The following GRIK4 variants were observed in gnomAD, a reference collection of about 807,000 sequenced individuals.
GRIK4 encodes the protein glutamate ionotropic receptor kainate type subunit 4.
GRIK4 carries 40 observed loss-of-function variants against 104.9 expected under a neutral mutation model. That is an observed-to-expected ratio of 0.38 (90% CI 0.30 to 0.50). GRIK4 has a LOEUF of 0.50. Among genes scored for constraint, GRIK4 ranks in the 20% least tolerant of loss-of-function variants. The probability of loss-of-function intolerance (pLI) is 0.93; values close to 1 mark genes in which losing one functional copy is unlikely to be tolerated. For synonymous variants in GRIK4, 485 were observed against 524.9 expected (o/e 0.92, Z 1.04); for missense variants, 1,047 against 1,308.1 (o/e 0.80, Z 3.08).
chr11:120,671,510 G>A (rs1404533408), intron 3 of GRIK4, among the ~76,000 whole-genome samples: 1 of 152,102 alleles, frequency 6.6e-6, no homozygotes, highest in African/African-American at 2.4e-5. Flanking sequence ...ATGTTTGTTG[G>A]CCGCGTAAAT....
intron 1 of GRIK4, among the ~76,000 whole-genome samples, chr11:120,567,915 C>T (rs1198987671): frequency 6.6e-6 from 1 of 152,220 alleles, no homozygotes; most frequent in Non-Finnish European, 1.5e-5. Flanking sequence ...CATGGTGGCT[C>T]ATGCCTATAA....
rs1478968754 is a variant in GRIK4 at position 120,601,358 on chromosome 11, A to T, written c.-158-52327A>T. 2.6e-5 allele frequency among the ~76,000 whole-genome samples: 4 copies of T among 152,124 alleles called. No individual in the cohort carries two copies. In the East Asian group the frequency reaches 7.7e-4, roughly 29 times the overall value. On this transcript the variant is annotated intron_variant, in intron 1 of 20. Coordinates refer to ENST00000527524, the MANE Select transcript of GRIK4 (RefSeq NM_014619.5). The stretch of plus-strand genomic sequence containing the variant: ...GAGGTGGCGGTTGCAGTGAGCCGAG[A>T]TTGCGCCACTGCACTCCAGCCTGGG...
chr11:120,776,275 C>G (rs1287551988), intron 3 of GRIK4, among the ~76,000 whole-genome samples: 1 of 152,186 alleles, frequency 6.6e-6, no homozygotes. Context: ...GACCAGAGTG[C>G]CAGGTGGGGA....
chr11:120,515,719 T>G (rs904211605), intron 1 of GRIK4, among the ~76,000 whole-genome samples: 35 of 152,352 alleles, frequency 2.3e-4, no homozygotes, highest in African/African-American at 7.5e-4. Context: ...AGTAAGGACA[T>G]AAGATATAGT....
At chr11:120,575,838 C>T (rs1948476441) in intron 1 of GRIK4, 1 of 152,144 alleles carries the variant, frequency 6.6e-6, no homozygotes, top group Non-Finnish European at 1.5e-5. Context: ...TAGCATGTGC[C>T]TGTAATCCCA....
chr11:120,930,220 C>A (rs756879770), intron 13 of GRIK4, among the ~76,000 whole-genome samples: 4 of 152,176 alleles, frequency 2.6e-5, no homozygotes, highest in Admixed American at 6.5e-5. Context: ...TGGGTCTCAG[C>A]GTCTTTGTCT....
chr11:120,630,877 T>A (rs1365393929), intron 1 of GRIK4, among the ~76,000 whole-genome samples: 1 of 152,224 alleles, frequency 6.6e-6, no homozygotes, highest in African/African-American at 2.4e-5. Flanking sequence ...TTGCTGGATC[T>A]ATTTTTTCTT....
chr11:120,862,975 A>G (rs890321964), intron 9 of GRIK4, among the ~76,000 whole-genome samples: 4 of 152,132 alleles, frequency 2.6e-5, no homozygotes, highest in African/African-American at 9.7e-5. Context: ...AGATGATAAA[A>G]CCGAAGCCCA....
chr11:120,517,085 T>G (rs1378536513), intron 1 of GRIK4, among the ~76,000 whole-genome samples: 1 of 148,788 alleles, frequency 6.7e-6, no homozygotes, highest in Non-Finnish European at 1.5e-5. Flanking sequence ...GTGTCTGATA[T>G]TCACTGCCCT....
At position 120,929,000 on chromosome 11, in the gene GRIK4, CGCGTGT is replaced by C. The variant is rs1565445128; in HGVS notation, c.1477-11346_1477-11341del. Among the ~76,000 whole-genome samples the C allele has an allele frequency of 1.3e-3, 191 of 143,920 alleles. 1 individual carries two copies. Among genetic ancestry groups the C allele is most frequent in the African/African-American group, 4.7e-3 (181 of 38,346 alleles). The allele number at this position is 143,920 out of a possible 152,430, so 94.4% of individuals were successfully genotyped here. A position where few individuals can be genotyped will look rare whatever the true frequency, so the allele number is the denominator to read the frequency against. On this transcript the variant is annotated intron_variant, in intron 13 of 20. Coordinates refer to ENST00000527524, the MANE Select transcript of GRIK4 (RefSeq NM_014619.5). ...GTGTGTGTGTGTGTGCGCGCGTGCA[CGCGTGT>C]ATGTGTGTGTGCGCACATGTGTGTG...
intron 1 of GRIK4, among the ~76,000 whole-genome samples, chr11:120,530,062 C>T (rs1947907098): frequency 6.6e-6 from 1 of 152,188 alleles, no homozygotes. Flanking sequence ...CCTATGAGGC[C>T]CCATGTTCTT....
chr11:120,935,589 T>G (rs1372275485), intron 13 of GRIK4, among the ~76,000 whole-genome samples: 1 of 152,218 alleles, frequency 6.6e-6, no homozygotes, highest in East Asian at 1.9e-4. Context: ...ATATTGTATT[T>G]ACTTTGAAGC....
intron 3 of GRIK4, among the ~76,000 whole-genome samples, chr11:120,712,613 C>T (rs1418447760): frequency 6.8e-6 from 1 of 147,752 alleles, no homozygotes; most frequent in East Asian, 2.0e-4. Context: ...CATAGTAAGA[C>T]CCTGTCTCTT....
chr11:120,797,522 G>T (rs1160608385), intron 3 of GRIK4, among the ~76,000 whole-genome samples: 1 of 152,204 alleles, frequency 6.6e-6, no homozygotes, highest in Admixed American at 6.5e-5. Flanking sequence ...TCCCAAGAGT[G>T]CCTGAGCCTC....
At chr11:120,700,833 C>G (rs1199785569) in intron 3 of GRIK4, among the ~76,000 whole-genome samples, 1 of 152,118 alleles carries the variant, frequency 6.6e-6, no homozygotes, top group East Asian at 1.9e-4. Context: ...CTCAGGGGAT[C>G]CGTCCGCCTC....
chr11:120,692,609 G>A (rs1294027960), intron 3 of GRIK4, among the ~76,000 whole-genome samples: 1 of 152,184 alleles, frequency 6.6e-6, no homozygotes, highest in Admixed American at 6.5e-5. Flanking sequence ...GAAGGGGAAG[G>A]TTGCTCCGGA....
intron 3 of GRIK4, among the ~76,000 whole-genome samples, chr11:120,765,610 T>G (rs1244299964): frequency 1.3e-5 from 2 of 152,198 alleles, no homozygotes; most frequent in East Asian, 3.9e-4. Flanking sequence ...CTACCTTTGG[T>G]CTTTGCTGCT....
intron 3 of GRIK4, among the ~76,000 whole-genome samples, chr11:120,700,227 AC>A (rs920586217): frequency 2.0e-5 from 3 of 151,562 alleles, no homozygotes; most frequent in Non-Finnish European, 4.4e-5. Flanking sequence ...ACAAATGGCC[AC>A]ATATATGACA....
At chr11:120,641,278 GA>G (rs1486837492) in intron 1 of GRIK4, among the ~76,000 whole-genome samples, 13 of 151,878 alleles carry the variant, frequency 8.6e-5, no homozygotes, top group African/African-American at 2.7e-4. Context: ...TTAGTATAAA[GA>G]TTTTTTTGTT....
Sources: allele counts gnomAD v4.1 joint callset (sites outside exome capture counted in the v4.1 genomes callset), GRCh38; gene constraint gnomAD v4.1.1; transcripts MANE v1.5; gene names NCBI Gene and HGNC (gene_info 2026-07-23, HGNC 2026-07-21).